Variants in THUMPD2 observed in about 807,000 individuals in gnomAD.
THUMPD2 encodes the protein U6 snRNA (guanine-N(2))-methyltransferase THUMPD2.
Under a neutral mutation model 49.4 loss-of-function variants are expected in THUMPD2, and 56 were observed. The ratio of observed to expected loss-of-function variants is 1.13; its 90% CI spans 0.91 to 1.41. THUMPD2 has a LOEUF of 1.41. Among genes scored for constraint, THUMPD2 ranks in the 40% most tolerant of loss-of-function variants. THUMPD2 has a pLI of 0.00. For missense variants in THUMPD2, 709 were observed against 594.5 expected (o/e 1.19, Z -2.00); for synonymous variants, 237 against 205.2 (o/e 1.15, Z -1.32).
chr2:39,775,573 C>A lies in THUMPD2; in HGVS notation c.126+3541G>T, dbSNP rs191574365. Among the ~76,000 whole-genome samples, 70 of 151,874 alleles carry A rather than the reference C, an allele frequency of 4.6e-4. No homozygotes were observed. In the Middle Eastern group the frequency reaches 0.01, roughly 22 times the overall value. On this transcript the variant is annotated intron_variant, in intron 1 of 9. Coordinates refer to ENST00000505747, the MANE Select transcript of THUMPD2 (RefSeq NM_025264.5). ...TCACTTGAAATCAGGAGTTCAAGAC[C>A]AGCCTGGCCAACATGTTTAGCAGAA...
intron 9 of THUMPD2, among the ~76,000 whole-genome samples, chr2:39,742,861 G>A (rs1674088518): frequency 6.6e-6 from 1 of 152,102 alleles, no homozygotes; most frequent in Admixed American, 6.6e-5. Flanking sequence ...ATGAAGTCAG[G>A]GTTGCCAAAT....
intron 1 of THUMPD2, among the ~76,000 whole-genome samples, chr2:39,778,472 T>C (rs1001121345): frequency 6.6e-6 from 1 of 152,234 alleles, no homozygotes; most frequent in Non-Finnish European, 1.5e-5. Context: ...CAGTGTCCCA[T>C]ACACCCCATC....
chr2:39,745,699 TTTC>T (rs772995528), intron 8 of THUMPD2, among the ~76,000 whole-genome samples: 1 of 152,244 alleles, frequency 6.6e-6, no homozygotes, highest in Non-Finnish European at 1.5e-5. Flanking sequence ...CAATGATTTT[TTTC>T]TTCTGGGTCT....
chr2:39,737,010 G>A lies in THUMPD2; in HGVS notation c.1237C>T (p.His413Tyr), dbSNP rs1673168285. Residue 413 changes from histidine (H) to tyrosine (Y), a missense_variant, in exon 10 of 10, where the codon CAC becomes TAC. His to Tyr is a moderately conservative substitution (Grantham distance 83). Transcript: ENST00000505747. ...TIVLLLSEDH[H>Y]RRLTDCKESN... ...TCTTTACAATCTGTAAGGCGCCTGT[G>A]GTGATCTTCACTAAGCAACAATACA... 6.2e-7 allele frequency: 1 copy of A among 1,613,804 alleles called. No individual in the cohort carries two copies. Among genetic ancestry groups the A allele is most frequent in the Admixed American group, 1.7e-5 (1 of 59,962 alleles).
chr2:39,759,438 C>T (rs1402737025), intron 6 of THUMPD2, among the ~76,000 whole-genome samples: 1 of 151,978 alleles, frequency 6.6e-6, no homozygotes, highest in African/African-American at 2.4e-5. Flanking sequence ...TTAATCTTGT[C>T]ATGATCCCAT....
At chr2:39,759,086 G>A (rs990172186) in intron 6 of THUMPD2, among the ~76,000 whole-genome samples, 1 of 152,068 alleles carries the variant, frequency 6.6e-6, no homozygotes, top group Non-Finnish European at 1.5e-5. Flanking sequence ...AATATAAAGA[G>A]AGGGAAATCA....
intron 9 of THUMPD2, among the ~76,000 whole-genome samples, chr2:39,741,938 T>G (rs1001721656): frequency 6.6e-6 from 1 of 152,052 alleles, no homozygotes; most frequent in African/African-American, 2.4e-5. Flanking sequence ...TGGTATACAC[T>G]AAAAAATCAG....
At chr2:39,741,540 G>C (rs1673898090) in intron 9 of THUMPD2, among the ~76,000 whole-genome samples, 2 of 152,236 alleles carry the variant, frequency 1.3e-5, no homozygotes, top group South Asian at 4.2e-4. Flanking sequence ...TTTTGCTCAT[G>C]TATTTGCACA....
In THUMPD2 at chr2:39,756,645, A is replaced by G. The variant is rs563293533; in HGVS notation, c.892-685T>C. On this transcript the variant is annotated intron_variant, in intron 6 of 9. Transcript: ENST00000505747. ...GGGTAGCAGAGGAAGTGAACAGGAA[A>G]GAGGAGGTGGTTAAGAACAAGATTC... 1.3e-4 allele frequency among the ~76,000 whole-genome samples: 20 copies of G among 152,232 alleles called. 1 individual carries two copies. In the South Asian group the frequency reaches 4.1e-3, roughly 32 times the overall value.
chr2:39,771,167 A>G (rs1007473579), intron 2 of THUMPD2, among the ~76,000 whole-genome samples: 4 of 152,184 alleles, frequency 2.6e-5, no homozygotes, highest in Non-Finnish European at 1.5e-5. Flanking sequence ...TACTATTAAA[A>G]GAATGCATTT....
intron 1 of THUMPD2, among the ~76,000 whole-genome samples, chr2:39,777,003 ATC>A (rs566611463): frequency 1.7e-3 from 263 of 152,340 alleles, no homozygotes; most frequent in African/African-American, 6.1e-3. Flanking sequence ...TCTTGAATTA[ATC>A]TGTTTTGTAA....
intron 9 of THUMPD2, among the ~76,000 whole-genome samples, chr2:39,743,255 G>A (rs1299891207): frequency 1.3e-5 from 2 of 152,140 alleles, no homozygotes; most frequent in African/African-American, 4.8e-5. Context: ...AGTATCAACT[G>A]ACCTCTTATA....
intron 3 of THUMPD2, chr2:39,768,972 G>GT (rs1459656837): frequency 9.2e-6 from 12 of 1,304,476 alleles, no homozygotes; most frequent in Non-Finnish European, 9.1e-6. Flanking sequence ...ACTGAACTTT[G>GT]TAAGGGCCAA....
intron 8 of THUMPD2, among the ~76,000 whole-genome samples, chr2:39,749,155 G>A (rs1041086886): frequency 2.0e-5 from 3 of 152,012 alleles, no homozygotes; most frequent in African/African-American, 4.8e-5. Context: ...TGATGTTGTG[G>A]CCCACCAAAG....
chr2:39,764,658 T>A (rs930177017), intron 5 of THUMPD2, among the ~76,000 whole-genome samples: 1 of 152,214 alleles, frequency 6.6e-6, no homozygotes, highest in South Asian at 2.1e-4. Context: ...GGTCACCAGG[T>A]TGCAGTTTCT....
At chr2:39,776,896 A>C (rs1679185292) in intron 1 of THUMPD2, among the ~76,000 whole-genome samples, 2 of 152,362 alleles carry the variant, frequency 1.3e-5, no homozygotes, top group South Asian at 4.1e-4. Context: ...TGGCACCCAG[A>C]AATACTCATT....
intron 5 of THUMPD2, among the ~76,000 whole-genome samples, chr2:39,765,440 G>T (rs772378644): frequency 6.6e-6 from 1 of 151,976 alleles, no homozygotes; most frequent in South Asian, 2.1e-4. Flanking sequence ...TTACAGGTGT[G>T]AGCCACCGCG....
rs568728722 is a variant in THUMPD2 at position 39,744,516 on chromosome 2, G to T, written c.1079-38C>A. ...AATCAGAGAATCCTATTACAGTAGG[G>T]TCAAATATTTACAACTTAAATAATG... On this transcript the variant is annotated intron_variant, in intron 8 of 9. Transcript: ENST00000505747. 69 of 1,297,810 alleles carry T rather than the reference G, an allele frequency of 5.3e-5. 1 individual carries two copies. In the South Asian group the frequency reaches 8.8e-4, roughly 17 times the overall value. 80.4% of individuals were successfully genotyped at this position (1,297,810 alleles called of 1,614,324 possible).
chr2:39,744,484 A>G lies in THUMPD2; in HGVS notation c.1079-6T>C. On this transcript the variant is annotated splice_region_variant and splice_polypyrimidine_tract_variant and intron_variant, in intron 8 of 9. Transcript: ENST00000505747. ...TTCTGAAGGCAATGGCAATTCTGAA[A>G]TATAGAAATCAGAGAATCCTATTAC... The G allele has an allele frequency of 1.9e-6, 3 of 1,539,112 alleles. No homozygotes were observed. The highest frequency in any genetic ancestry group is 2.6e-6 in the Non-Finnish European group (3 of 1,138,310).
Sources: allele counts gnomAD v4.1 joint callset (sites outside exome capture counted in the v4.1 genomes callset), GRCh38; gene constraint gnomAD v4.1.1; transcripts MANE v1.5; gene names NCBI Gene and HGNC (gene_info 2026-07-23, HGNC 2026-07-21).